Variants in ZNF395 observed in about 807,000 individuals in gnomAD.
ZNF395 encodes zinc finger protein 395, also known as HD gene regulatory region-binding protein 2.
A neutral mutation model predicts 57.7 loss-of-function variants in ZNF395; 20 were observed. The observed-to-expected ratio is 0.35, with a 90% CI of 0.24 to 0.50. The LOEUF is 0.50. Among genes scored for constraint, ZNF395 ranks in the 20% least tolerant of loss-of-function variants. The probability of loss-of-function intolerance (pLI) is 0.97; values close to 1 mark genes in which losing one functional copy is unlikely to be tolerated. For synonymous variants in ZNF395, 295 were observed against 275.9 expected (o/e 1.07, Z -0.69); for missense variants, 606 against 671.2 (o/e 0.90, Z 1.07).
rs529634517 is a variant in ZNF395 at position 28,347,540 on chromosome 8, C to T, written c.*1179G>A. The T allele has an allele frequency of 6.6e-6, 1 of 152,404 alleles. No individual in the cohort carries two copies. The highest frequency in any genetic ancestry group is 1.5e-5 in the Non-Finnish European group (1 of 68,232). The allele number at this position is 152,404 out of a possible 1,614,324, so 9.4% of individuals were successfully genotyped here. ...ACGCAGCCCAGGCTCCCCTAGATCC[C>T]TGGAGGCTCCAGAAACACCAAGGGC... On this transcript the variant is annotated 3_prime_UTR_variant, in exon 10 of 10. Coordinates refer to ENST00000344423, the MANE Select transcript of ZNF395 (RefSeq NM_018660.3).
intron 1 of ZNF395, among the ~76,000 whole-genome samples, chr8:28,371,628 G>T (rs1032429122): frequency 6.6e-6 from 1 of 152,162 alleles, no homozygotes; most frequent in African/African-American, 2.4e-5. Context: ...GGCATGGAAC[G>T]GGAAATGTGC....
intron 4 of ZNF395, among the ~76,000 whole-genome samples, chr8:28,355,482 A>G (rs1398410702): frequency 6.6e-6 from 1 of 151,798 alleles, no homozygotes; most frequent in Non-Finnish European, 1.5e-5. Context: ...TAAAATTGTC[A>G]GGATGATGGC....
chr8:28,359,534 C>T lies in ZNF395; in HGVS notation c.473+58G>A. ...CTTCCCCACCACAACACAGCCCACA[C>T]CCTTACACCACACTACCCACGTGAC... is the stretch of plus-strand genomic sequence containing the variant. On this transcript the variant is annotated intron_variant, in intron 3 of 9. Transcript: ENST00000344423. The surrounding 1 kb of genome is among the most constrained non-coding windows in gnomAD (Gnocchi z 4.7). 3.9e-6 allele frequency: 6 copies of T among 1,536,712 alleles called. No homozygotes were observed. The South Asian group carries it at 5.1e-5, about 13-fold the overall frequency.
rs540519903 is a variant in ZNF395, at chr8:28,357,028, C to T, written c.474-249G>A. On this transcript the variant is annotated intron_variant, in intron 3 of 9. Transcript: ENST00000344423. ...AGTGATGCTTCTAATATTAGGCAGC[C>T]CCGGTATAAGCCGCTGGGTCTCATC... Among the ~76,000 whole-genome samples the T allele has an allele frequency of 3.3e-5, 5 of 152,140 alleles. No homozygotes were observed. The South Asian group carries it at 1.0e-3, about 32-fold the overall frequency.
In ZNF395 at chr8:28,373,876, C is replaced by T. The variant is rs150277314; in HGVS notation, c.-59+12517G>A. 3.2e-3 allele frequency among the ~76,000 whole-genome samples: 490 copies of T among 152,276 alleles called. 3 individuals are homozygous for T. Among genetic ancestry groups the T allele is most frequent in the African/African-American group, 9.6e-3 (398 of 41,550 alleles). On this transcript the variant is annotated intron_variant, in intron 1 of 9. Coordinates refer to ENST00000344423, the MANE Select transcript of ZNF395 (RefSeq NM_018660.3). Reference sequence around the variant, plus strand: ...GTCTGAGCACAGGGCAGGCATCCCCCGTCCCACAGTAACTCTAAGTGAGGA... The same window carrying T: ...GTCTGAGCACAGGGCAGGCATCCCCTGTCCCACAGTAACTCTAAGTGAGGA...
intron 1 of ZNF395, chr8:28,365,491 A>G (rs761036400): frequency 2.6e-5 from 4 of 152,198 alleles, no homozygotes; most frequent in African/African-American, 4.8e-5. Context: ...AGTTTGCCAT[A>G]TGGTTCTGGA....
chr8:28,356,609 AGAG>A lies in ZNF395; in HGVS notation c.583+58_583+60del. 1 of 1,310,216 alleles carries A rather than the reference AGAG, an allele frequency of 7.6e-7. No individual in the cohort carries two copies. Among genetic ancestry groups the A allele is most frequent in the Non-Finnish European group, 1.1e-6 (1 of 916,866 alleles). The allele number at this position is 1,310,216 out of a possible 1,614,324, so 81.2% of individuals were successfully genotyped here. ...ACATAGGCAACTAGCTGCTCTGCAC[AGAG>A]GATGTTTGTCGTGGGCCTCTACCAT... On this transcript the variant is annotated intron_variant, in intron 4 of 9. Transcript: ENST00000344423. The surrounding 1 kb of genome is among the most constrained non-coding windows in gnomAD (Gnocchi z 4.0).
chr8:28,367,638 A>G (rs1801926590), intron 1 of ZNF395, among the ~76,000 whole-genome samples: 1 of 152,196 alleles, frequency 6.6e-6, no homozygotes, highest in South Asian at 2.1e-4. Context: ...TCAGAAACGC[A>G]GTGCCTTTGT....
At chr8:28,351,415 G>T in intron 7 of ZNF395, 80 bp downstream of exon 7, 1 of 1,460,912 alleles carries the variant, frequency 6.8e-7, no homozygotes, top group Non-Finnish European at 9.2e-7. Flanking sequence ...CTTCCATCAG[G>T]GTGGTCGGTA....
chr8:28,370,343 G>A (rs1327841942), intron 1 of ZNF395, among the ~76,000 whole-genome samples: 1 of 152,228 alleles, frequency 6.6e-6, no homozygotes, highest in African/African-American at 2.4e-5. Flanking sequence ...TAAACGGAGT[G>A]GAGGAGGGGC....
chr8:28,361,206 G>A (rs745805136), intron 1 of ZNF395, 24 bp from the exon 2 acceptor site: 5 of 1,594,040 alleles, frequency 3.1e-6, no homozygotes, highest in African/African-American at 1.3e-5. Flanking sequence ...GAAGCTTTCA[G>A]GAGGGAGCCC....
intron 1 of ZNF395, among the ~76,000 whole-genome samples, chr8:28,372,880 C>T (rs780663762): frequency 3.9e-5 from 6 of 152,140 alleles, no homozygotes; most frequent in Admixed American, 2.0e-4. Flanking sequence ...AAGAAGGCAG[C>T]GCTCTTCAGG....
intron 1 of ZNF395, among the ~76,000 whole-genome samples, chr8:28,381,199 G>C (rs1167573968): frequency 6.6e-6 from 1 of 152,022 alleles, no homozygotes; most frequent in Non-Finnish European, 1.5e-5. Flanking sequence ...CCACCACCAC[G>C]CCCGGCTAAT....
Position 28,352,653 on chromosome 8 carries a change from G to A in ZNF395, c.840C>T (p.Tyr280=), listed in dbSNP as rs774569281. 1.2e-6 allele frequency: 2 copies of A among 1,614,124 alleles called. No individual in the cohort carries two copies. Among genetic ancestry groups the A allele is most frequent in the Non-Finnish European group, 1.7e-6 (2 of 1,179,964 alleles). ...TGCCACAGTTTGGCCACAGGCACTT[G>A]TACATCACCTTCACAGAGTTCTACA... ...RKRKNSVKVM[Y]KCLWPNCGKV... is the part of the protein sequence containing the mutation. Residue 280 remains tyrosine (Y), a synonymous_variant, in exon 6 of 10, where the codon TAC becomes TAT. Transcript: ENST00000344423. This position sits in a 1 kb window ranked among gnomAD's most constrained non-coding sequence, Gnocchi z 4.0.
chr8:28,381,014 AGTGTGTGTGTGTGTGT>A lies in ZNF395; in HGVS notation c.-59+5363_-59+5378del, dbSNP rs10561721. On this transcript the variant is annotated intron_variant, in intron 1 of 9. Transcript: ENST00000344423. ...CAGGCATGCACCACCACACCCTGCT[AGTGTGTGTGTGTGTGT>A]GTGTGTGTGTGTGTGTGTGTGTGTG... Among the ~76,000 whole-genome samples, 30 of 134,316 alleles carry A rather than the reference AGTGTGTGTGTGTGTGT, an allele frequency of 2.2e-4. No individual in the cohort carries two copies. In the East Asian group the frequency reaches 3.6e-3, roughly 16 times the overall value. The allele number at this position is 134,316 out of a possible 152,430, so 88.1% of individuals were successfully genotyped here.
chr8:28,345,763 C>CTTTTTTTTT lies in ZNF395; in HGVS notation c.*2947_*2955dup, dbSNP rs11392432. On this transcript the variant is annotated 3_prime_UTR_variant, in exon 10 of 10. Transcript: ENST00000344423. ...ACAGATGGGATTTATCTCCCTCTTGCTTTTTTTTTTTTTGCCCCTGGTAAA... is the reference window on the plus strand; with the variant it reads ...ACAGATGGGATTTATCTCCCTCTTGCTTTTTTTTTTTTTTTTTTTTTTGCCCCTGGTAAA... 1 of 141,128 alleles carries CTTTTTTTTT rather than the reference C, an allele frequency of 7.1e-6. No homozygotes were observed. Among genetic ancestry groups the CTTTTTTTTT allele is most frequent in the Non-Finnish European group, 1.5e-5 (1 of 65,658 alleles). The allele number at this position is 141,128 out of a possible 1,614,324, so 8.7% of individuals were successfully genotyped here.
intron 6 of ZNF395, 28 bp from the exon 7 acceptor site, chr8:28,351,835 CAG>C (rs755926869): frequency 6.6e-7 from 1 of 1,521,710 alleles, no homozygotes; most frequent in South Asian, 1.2e-5. Flanking sequence ...GCGGTATAAT[CAG>C]GGGCACCCTG....
At position 28,359,303 on chromosome 8, in the gene ZNF395, G is replaced by C. The variant is rs1056035887; in HGVS notation, c.473+289C>G. 1.3e-5 allele frequency among the ~76,000 whole-genome samples: 2 copies of C among 152,226 alleles called. No homozygotes were observed. Among genetic ancestry groups the C allele is most frequent in the African/African-American group, 4.8e-5 (2 of 41,454 alleles). ...TGTAATCCCAGTTACTCGGGAGGCT[G>C]AAGTGGAAGAATCGCGTGAACACAG... On this transcript the variant is annotated intron_variant, in intron 3 of 9. Transcript: ENST00000344423. The surrounding 1 kb of genome is among the most constrained non-coding windows in gnomAD (Gnocchi z 4.7).
intron 1 of ZNF395, among the ~76,000 whole-genome samples, chr8:28,385,827 C>T (rs969112660): frequency 3.4e-5 from 5 of 147,292 alleles, no homozygotes; most frequent in African/African-American, 9.8e-5. Flanking sequence ...GCAGCCACCC[C>T]GCCCGCCACC....
Sources: allele counts gnomAD v4.1 joint callset (sites outside exome capture counted in the v4.1 genomes callset), GRCh38; gene constraint gnomAD v4.1.1; non-coding constraint Gnocchi (gnomAD v3.1); transcripts MANE v1.5; gene names NCBI Gene and HGNC (gene_info 2026-07-23, HGNC 2026-07-21).